SYN3: variants seen among roughly 807,000 people sequenced by gnomAD.
The protein encoded by SYN3 is synapsin III.
Under a neutral mutation model 65.8 loss-of-function variants are expected in SYN3, and 35 were observed. The ratio of observed to expected loss-of-function variants is 0.53; its 90% CI spans 0.41 to 0.70. The LOEUF is 0.70. Ranked by LOEUF, SYN3 falls within the 30% of genes least tolerant of loss-of-function variation. SYN3 has a pLI of 0.00. For synonymous variants in SYN3, 270 were observed against 292.9 expected, an observed-to-expected ratio of 0.92 and a Z score of 0.80; for missense variants, 680 against 749.0, an observed-to-expected ratio of 0.91 and a Z score of 1.08.
At chr22:32,789,408 T>G (rs1024152198) in intron 6 of SYN3, among the ~76,000 whole-genome samples, 2 of 152,138 alleles carry the variant, frequency 1.3e-5, no homozygotes, top group African/African-American at 2.4e-5. Context: ...CTACTTGACA[T>G]GCTAAGACAA....
rs566115902 is a variant in SYN3, at chr22:32,640,604, C to T, written c.712-43868G>A. Among the ~76,000 whole-genome samples the T allele has an allele frequency of 1.6e-4, 25 of 152,142 alleles. No homozygotes were observed. The South Asian group carries it at 4.4e-3, about 27-fold the overall frequency. ...ATATTTGGCCGGGTGCGGTGGCTCACGCCTGTAATCCCAGCACTTTGGGTG... is the reference window on the plus strand; with the variant it reads ...ATATTTGGCCGGGTGCGGTGGCTCATGCCTGTAATCCCAGCACTTTGGGTG... On this transcript the variant is annotated intron_variant, in intron 6 of 13. Coordinates refer to ENST00000358763, the MANE Select transcript of SYN3 (RefSeq NM_003490.4).
chr22:32,717,883 C>T (rs1191720122), intron 6 of SYN3, among the ~76,000 whole-genome samples: 4 of 152,156 alleles, frequency 2.6e-5, no homozygotes, highest in African/African-American at 4.8e-5. Flanking sequence ...GGCCTCACCC[C>T]GTGGCGGCCT....
At chr22:32,565,729 A>T (rs892261226) in intron 7 of SYN3, among the ~76,000 whole-genome samples, 3 of 147,870 alleles carry the variant, frequency 2.0e-5, no homozygotes, top group Admixed American at 1.4e-4. Context: ...TATTTATTTA[A>T]TTTTTTTTTA....
chr22:32,629,454 C>G (rs986599012), intron 6 of SYN3, among the ~76,000 whole-genome samples: 2 of 152,172 alleles, frequency 1.3e-5, no homozygotes, highest in Non-Finnish European at 2.9e-5. Context: ...AGCAGTTGAA[C>G]CTAATGATGA....
At chr22:32,812,124 G>C (rs964634585) in intron 6 of SYN3, among the ~76,000 whole-genome samples, 1 of 152,150 alleles carries the variant, frequency 6.6e-6, no homozygotes, top group Non-Finnish European at 1.5e-5. Context: ...AAAACAGCAG[G>C]ATATTGGCTC....
chr22:32,935,448 A>AT (rs137556), intron 3 of SYN3, among the ~76,000 whole-genome samples: 3,346 of 124,038 alleles, frequency 0.027, 77 homozygotes, highest in Middle Eastern at 0.049. Flanking sequence ...TTGGTATGGT[A>AT]TTTTTTTTTT....
At chr22:32,827,193 A>G (rs927417883) in intron 6 of SYN3, among the ~76,000 whole-genome samples, 1 of 152,218 alleles carries the variant, frequency 6.6e-6, no homozygotes, top group Non-Finnish European at 1.5e-5. Context: ...GAATTCAGCG[A>G]GTGACTTTGC....
intron 3 of SYN3, among the ~76,000 whole-genome samples, chr22:32,970,843 G>A (rs1334060424): frequency 6.6e-6 from 1 of 152,128 alleles, no homozygotes; most frequent in Non-Finnish European, 1.5e-5. Context: ...AAGGGGAAAG[G>A]CAAAAAGCTT....
chr22:32,574,566 G>T (rs1187544392), intron 7 of SYN3, among the ~76,000 whole-genome samples: 1 of 152,130 alleles, frequency 6.6e-6, no homozygotes, highest in African/African-American at 2.4e-5. Context: ...CACCTACAGG[G>T]GCTAATGTGG....
chr22:32,571,275 C>G (rs1281171274), intron 7 of SYN3, among the ~76,000 whole-genome samples: 1 of 152,044 alleles, frequency 6.6e-6, no homozygotes, highest in Non-Finnish European at 1.5e-5. Flanking sequence ...TTGTCTTCTT[C>G]CTTTCCATCC....
At chr22:32,864,730 C>A (rs951583244) in intron 6 of SYN3, 185 bp downstream of exon 6, 7 of 559,418 alleles carry the variant, frequency 1.3e-5, no homozygotes, top group African/African-American at 1.9e-5. Flanking sequence ...CTGAATTTCA[C>A]CTGGAGAGAC....
chr22:32,776,153 G>A (rs753897011), intron 6 of SYN3, among the ~76,000 whole-genome samples: 13 of 152,140 alleles, frequency 8.5e-5, no homozygotes, highest in Non-Finnish European at 1.9e-4. Context: ...CAAGGAACTT[G>A]GACAGTCATC....
chr22:32,868,740 C>T (rs2048757811), intron 5 of SYN3, among the ~76,000 whole-genome samples: 1 of 151,968 alleles, frequency 6.6e-6, no homozygotes, highest in African/African-American at 2.4e-5. Flanking sequence ...CATAAGCCAC[C>T]GTGCCCGGCC....
chr22:32,678,575 CCT>C (rs2060479404), intron 6 of SYN3, among the ~76,000 whole-genome samples: 1 of 151,374 alleles, frequency 6.6e-6, no homozygotes, highest in African/African-American at 2.4e-5. Flanking sequence ...CCTTCCTCCT[CCT>C]CTCCTCCTCC....
At chr22:32,948,668 C>T (rs1299706068) in intron 3 of SYN3, among the ~76,000 whole-genome samples, 3 of 151,950 alleles carry the variant, frequency 2.0e-5, no homozygotes, top group African/African-American at 4.8e-5. Flanking sequence ...ACCTGCGAGG[C>T]GGAGCTTGCA....
At chr22:32,638,871 A>C (rs532532667) in intron 6 of SYN3, among the ~76,000 whole-genome samples, 1 of 152,072 alleles carries the variant, frequency 6.6e-6, no homozygotes, top group Non-Finnish European at 1.5e-5. Flanking sequence ...TTTAGGACTT[A>C]CTCATAAACT....
rs141649219 is a variant in SYN3 at position 32,552,758 on chromosome 22, C to T, written c.775-11045G>A. Reference sequence around the variant, plus strand: ...AAAATCATATGATGTTTCTCCTGAGCTCCTCCTATAGAGGACACTGCGATA... The same window carrying T: ...AAAATCATATGATGTTTCTCCTGAGTTCCTCCTATAGAGGACACTGCGATA... On this transcript the variant is annotated intron_variant, in intron 7 of 13. Transcript: ENST00000358763. 2.3e-3 allele frequency among the ~76,000 whole-genome samples: 354 copies of T among 152,326 alleles called. 6 individuals are homozygous for T. Among genetic ancestry groups the T allele is most frequent in the South Asian group, 1.2e-3 (6 of 4,828 alleles).
At chr22:32,960,201 C>T (rs1200316114) in intron 3 of SYN3, among the ~76,000 whole-genome samples, 1 of 152,140 alleles carries the variant, frequency 6.6e-6, no homozygotes, top group Non-Finnish European at 1.5e-5. Flanking sequence ...AAAGAGCTTG[C>T]CTGGAGCACG....
intron 4 of SYN3, among the ~76,000 whole-genome samples, chr22:32,881,446 G>GAA (rs2049133173): frequency 6.6e-6 from 1 of 152,208 alleles, no homozygotes; most frequent in African/African-American, 2.4e-5. Flanking sequence ...TCGCTCAGCA[G>GAA]GAAATATCTG....
Sources: allele counts gnomAD v4.1 joint callset (sites outside exome capture counted in the v4.1 genomes callset), GRCh38; gene constraint gnomAD v4.1.1; transcripts MANE v1.5; gene names NCBI Gene and HGNC (gene_info 2026-07-23, HGNC 2026-07-21).